SGCZ: variants seen among roughly 807,000 people sequenced by gnomAD.
SGCZ encodes zeta-sarcoglycan.
Under a neutral mutation model 41.3 loss-of-function variants are expected in SGCZ, and 40 were observed. The ratio of observed to expected loss-of-function variants is 0.97; its 90% CI spans 0.75 to 1.26. SGCZ has a LOEUF of 1.26. Among genes scored for constraint, SGCZ ranks in the 50% most tolerant of loss-of-function variants. SGCZ has a pLI of 0.00. For synonymous variants in SGCZ, 206 were observed against 137.5 expected (o/e 1.50, Z -3.49); for missense variants, 552 against 369.8 (o/e 1.49, Z -4.04).
At chr8:14,539,276 C>A (rs778193047) in intron 2 of SGCZ, among the ~76,000 whole-genome samples, 1 of 151,968 alleles carries the variant, frequency 6.6e-6, no homozygotes, top group African/African-American at 2.4e-5. Context: ...TGAACCAATT[C>A]TGTAACATCT....
chr8:15,216,201 T>C (rs1801393655), intron 1 of SGCZ, among the ~76,000 whole-genome samples: 1 of 149,968 alleles, frequency 6.7e-6, no homozygotes. Flanking sequence ...TTAAGTATCA[T>C]TTTAGCTTAT....
chr8:14,182,194 A>G (rs1176310626), intron 4 of SGCZ, among the ~76,000 whole-genome samples: 3 of 152,182 alleles, frequency 2.0e-5, no homozygotes. Context: ...TCTAGAGAAC[A>G]GTATGGATTG....
chr8:14,565,214 T>G (rs1042527720), intron 1 of SGCZ, among the ~76,000 whole-genome samples: 1 of 152,200 alleles, frequency 6.6e-6, no homozygotes, highest in Non-Finnish European at 1.5e-5. Flanking sequence ...TTTTTTTCAG[T>G]CATTCTTAGT....
chr8:15,120,893 C>T lies in SGCZ; in HGVS notation c.39+116692G>A, dbSNP rs191725423. Among the ~76,000 whole-genome samples the T allele has an allele frequency of 6.8e-4, 104 of 152,230 alleles. No homozygotes were observed. The East Asian group carries it at 9.3e-3, about 14-fold the overall frequency. On this transcript the variant is annotated intron_variant, in intron 1 of 7. Coordinates refer to ENST00000382080, the MANE Select transcript of SGCZ (RefSeq NM_139167.4). ...GTACTGTGGTGGTAGCTATCAGCCCCGGGAATTAATCCAAAAACAGCCTCT... is the reference window on the plus strand; with the variant it reads ...GTACTGTGGTGGTAGCTATCAGCCCTGGGAATTAATCCAAAAACAGCCTCT...
chr8:14,806,562 C>G (rs916627571), intron 1 of SGCZ, among the ~76,000 whole-genome samples: 8 of 152,182 alleles, frequency 5.3e-5, no homozygotes, highest in Non-Finnish European at 1.2e-4. Context: ...AGACCAATAA[C>G]AGAATCTGAA....
chr8:14,437,335 TGTA>T (rs1304712197), intron 2 of SGCZ, among the ~76,000 whole-genome samples: 1 of 152,194 alleles, frequency 6.6e-6, no homozygotes, highest in East Asian at 1.9e-4. Context: ...CAAGTTTTGC[TGTA>T]GTATCACAGA....
chr8:14,898,751 A>G (rs1375609066), intron 1 of SGCZ, among the ~76,000 whole-genome samples: 2 of 152,198 alleles, frequency 1.3e-5, no homozygotes, highest in African/African-American at 4.8e-5. Context: ...TTTTCAAGAT[A>G]GAGAATACTA....
rs1037952920 is a variant in SGCZ, at chr8:14,448,677, T to G, written c.234+106055A>C. Among the ~76,000 whole-genome samples the G allele has an allele frequency of 2.8e-5, 4 of 141,132 alleles. No individual in the cohort carries two copies. In the Admixed American group the frequency reaches 2.9e-4, roughly 10 times the overall value. 92.6% of individuals were successfully genotyped at this position (141,132 alleles called of 152,430 possible). A position where few individuals can be genotyped will look rare whatever the true frequency, so the allele number is the denominator to read the frequency against. ...AATTCAAGTTTCCTCAGTTCATAAA[T>G]GTTCTTAGAATGTTTTCTTAGTATG... On this transcript the variant is annotated intron_variant, in intron 2 of 7. Transcript: ENST00000382080.
intron 1 of SGCZ, among the ~76,000 whole-genome samples, chr8:15,150,276 T>C (rs1486503669): frequency 2.6e-5 from 4 of 152,330 alleles, no homozygotes; most frequent in East Asian, 1.9e-4. Flanking sequence ...GTTATTACAA[T>C]TGATAAAAAA....
At chr8:14,623,123 A>G (rs1806338318) in intron 1 of SGCZ, among the ~76,000 whole-genome samples, 1 of 152,170 alleles carries the variant, frequency 6.6e-6, no homozygotes, top group Non-Finnish European at 1.5e-5. Context: ...TTATCAGTGT[A>G]TTACCATGAA....
chr8:14,864,579 G>C (rs1422975930), intron 1 of SGCZ, among the ~76,000 whole-genome samples: 2 of 152,206 alleles, frequency 1.3e-5, no homozygotes, highest in South Asian at 2.1e-4. Flanking sequence ...TTAATAATAA[G>C]ATTTAGATTG....
intron 1 of SGCZ, among the ~76,000 whole-genome samples, chr8:14,764,078 G>C (rs558925410): frequency 1.3e-5 from 2 of 152,172 alleles, no homozygotes; most frequent in Admixed American, 6.5e-5. Context: ...ATTTTATTTT[G>C]TCAGGAAAAA....
chr8:15,135,136 G>A (rs1480485651), intron 1 of SGCZ, among the ~76,000 whole-genome samples: 1 of 152,004 alleles, frequency 6.6e-6, no homozygotes, highest in Non-Finnish European at 1.5e-5. Flanking sequence ...CTTGAGTTTT[G>A]ACCCTTTCTA....
intron 1 of SGCZ, among the ~76,000 whole-genome samples, chr8:14,712,211 G>C (rs1809541798): frequency 6.6e-6 from 1 of 151,098 alleles, no homozygotes. Context: ...TCATGATCTT[G>C]CTTTTGAGAA....
intron 2 of SGCZ, among the ~76,000 whole-genome samples, chr8:14,491,794 C>T (rs1245051517): frequency 6.6e-6 from 1 of 152,062 alleles, no homozygotes; most frequent in Non-Finnish European, 1.5e-5. Context: ...ATTTTAATAG[C>T]TCATTCTGGA....
intron 3 of SGCZ, among the ~76,000 whole-genome samples, chr8:14,277,570 G>A (rs1800278295): frequency 6.6e-6 from 1 of 152,130 alleles, no homozygotes; most frequent in Non-Finnish European, 1.5e-5. Flanking sequence ...CAAAGTCAAT[G>A]AAGTAAAAGT....
At chr8:14,896,145 G>C (rs1006821699) in intron 1 of SGCZ, among the ~76,000 whole-genome samples, 14 of 152,172 alleles carry the variant, frequency 9.2e-5, no homozygotes, top group African/African-American at 3.4e-4. Context: ...ATGGGTAGGT[G>C]AGTTACATTT....
intron 2 of SGCZ, among the ~76,000 whole-genome samples, chr8:14,532,146 C>T (rs1238755966): frequency 6.6e-6 from 1 of 151,862 alleles, no homozygotes; most frequent in Non-Finnish European, 1.5e-5. Flanking sequence ...TTTATGAAGA[C>T]CTAGAGATTG....
At chr8:14,118,123 G>A (rs910610198) in intron 5 of SGCZ, among the ~76,000 whole-genome samples, 1 of 151,958 alleles carries the variant, frequency 6.6e-6, no homozygotes, top group Non-Finnish European at 1.5e-5. Flanking sequence ...TAGGTCAAAT[G>A]GTATTTCTAG....
Sources: gnomAD v4.1 joint callset for allele counts (sites outside exome capture counted in the v4.1 genomes callset) on GRCh38, gnomAD v4.1.1 for gene constraint, MANE v1.5 for transcripts, NCBI Gene and HGNC (gene_info 2026-07-23, HGNC 2026-07-21) for gene names.